GABRG3: variants seen among roughly 807,000 people sequenced by gnomAD.
GABRG3 encodes the protein gamma-aminobutyric acid receptor subunit gamma-3.
GABRG3 carries 25 observed loss-of-function variants against 48.8 expected under a neutral mutation model. The observed-to-expected ratio is 0.51, with a 90% CI of 0.37 to 0.72. GABRG3 has a LOEUF of 0.72. GABRG3 is among the 30% of genes least tolerant of loss of function. The pLI is 0.00. For synonymous variants in GABRG3, 227 were observed against 217.6 expected (o/e 1.04, Z -0.38); for missense variants, 394 against 577.9 (o/e 0.68, Z 3.26).
chr15:27,291,970 C>T (rs527568124), intron 3 of GABRG3, among the ~76,000 whole-genome samples: 18 of 152,158 alleles, frequency 1.2e-4, no homozygotes, highest in Admixed American at 2.6e-4. Flanking sequence ...AACAGGTTAC[C>T]TCCCCATAAT....
chr15:27,458,628 G>A (rs1889358257), intron 5 of GABRG3, among the ~76,000 whole-genome samples: 2 of 152,018 alleles, frequency 1.3e-5, no homozygotes, highest in Non-Finnish European at 2.9e-5. Context: ...TGGCAATAAC[G>A]TGTCCCTCTT....
chr15:27,221,115 C>G (rs1359948310), intron 3 of GABRG3, among the ~76,000 whole-genome samples: 1 of 152,084 alleles, frequency 6.6e-6, no homozygotes, highest in Non-Finnish European at 1.5e-5. Context: ...CATGCTCTAA[C>G]TAGATGGGGC....
At chr15:27,320,657 C>G (rs1893391379) in intron 3 of GABRG3, among the ~76,000 whole-genome samples, 1 of 151,986 alleles carries the variant, frequency 6.6e-6, no homozygotes, top group African/African-American at 2.4e-5. Context: ...AAATCATTGT[C>G]ATGGAAGGTC....
chr15:27,518,031 A>G (rs1204606143), intron 6 of GABRG3, among the ~76,000 whole-genome samples: 1 of 151,982 alleles, frequency 6.6e-6, no homozygotes, highest in African/African-American at 2.4e-5. Context: ...GACCAATACC[A>G]TCTCCCTGTC....
At chr15:27,166,798 C>T (rs1887389311) in intron 3 of GABRG3, among the ~76,000 whole-genome samples, 1 of 152,170 alleles carries the variant, frequency 6.6e-6, no homozygotes, top group Admixed American at 6.5e-5. Flanking sequence ...CATTATACTG[C>T]AGGGTGCATG....
At chr15:27,122,576 G>A (rs1039624299) in intron 3 of GABRG3, among the ~76,000 whole-genome samples, 1 of 152,178 alleles carries the variant, frequency 6.6e-6, no homozygotes, top group Admixed American at 6.5e-5. Context: ...AAAAGCAATT[G>A]AGAGAGAAAA....
At chr15:27,294,140 C>A (rs906016739) in intron 3 of GABRG3, among the ~76,000 whole-genome samples, 1 of 151,972 alleles carries the variant, frequency 6.6e-6, no homozygotes, top group African/African-American at 2.4e-5. Context: ...TATCACATGC[C>A]CAGATTGCAG....
Position 27,447,810 on chromosome 15 carries a change from A to G in GABRG3, c.575-32840A>G, listed in dbSNP as rs1047940326. Among the ~76,000 whole-genome samples the G allele has an allele frequency of 4.6e-5, 7 of 152,144 alleles. No homozygotes were observed. Among genetic ancestry groups the G allele is most frequent in the African/African-American group, 1.4e-4 (6 of 41,434 alleles). ...AGTGGGAGTTGAACAATGAGAACAC[A>G]TGGACACAGGGAGGGGAACATCACA... On this transcript the variant is annotated intron_variant, in intron 5 of 9. Coordinates refer to ENST00000615808, the MANE Select transcript of GABRG3 (RefSeq NM_033223.5). This position sits in a 1 kb window ranked among gnomAD's most constrained non-coding sequence, Gnocchi z 4.0.
chr15:27,497,587 A>G (rs1890517668), intron 6 of GABRG3, among the ~76,000 whole-genome samples: 1 of 152,208 alleles, frequency 6.6e-6, no homozygotes, highest in Non-Finnish European at 1.5e-5. Flanking sequence ...TTTTATTTTA[A>G]AAAAGCTTAA....
intron 3 of GABRG3, among the ~76,000 whole-genome samples, chr15:27,090,202 A>G (rs1157991178): frequency 6.6e-6 from 1 of 152,236 alleles, no homozygotes; most frequent in East Asian, 1.9e-4. Context: ...TCAACACTTT[A>G]TTATAAAGTA....
intron 3 of GABRG3, among the ~76,000 whole-genome samples, chr15:27,203,990 A>T (rs972632517): frequency 1.3e-5 from 2 of 151,978 alleles, no homozygotes; most frequent in African/African-American, 4.8e-5. Context: ...ATTTTCTCCC[A>T]TTATGTAGGT....
intron 3 of GABRG3, among the ~76,000 whole-genome samples, chr15:27,152,617 C>G (rs1238728537): frequency 6.6e-6 from 1 of 152,142 alleles, no homozygotes; most frequent in Non-Finnish European, 1.5e-5. Context: ...GTCATAAAAA[C>G]CATCTGTCTT....
intron 3 of GABRG3, among the ~76,000 whole-genome samples, chr15:27,254,316 G>A (rs534952417): frequency 4.6e-5 from 7 of 152,156 alleles, no homozygotes; most frequent in East Asian, 1.9e-4. Flanking sequence ...TCGAGAAGGC[G>A]CAGGGGAGAG....
chr15:27,134,380 C>T (rs1269569266), intron 3 of GABRG3, among the ~76,000 whole-genome samples: 1 of 152,188 alleles, frequency 6.6e-6, no homozygotes, highest in East Asian at 1.9e-4. Flanking sequence ...CCTCCCCCAT[C>T]TCCAATTTTC....
chr15:27,199,759 C>G (rs1218784872), intron 3 of GABRG3, among the ~76,000 whole-genome samples: 1 of 152,164 alleles, frequency 6.6e-6, no homozygotes, highest in East Asian at 1.9e-4. Context: ...TAAACCTTTT[C>G]TTCGTATTAA....
At chr15:27,124,862 C>A (rs576555508) in intron 3 of GABRG3, among the ~76,000 whole-genome samples, 2 of 152,208 alleles carry the variant, frequency 1.3e-5, no homozygotes, top group Non-Finnish European at 2.9e-5. Context: ...GCTTGCCCAA[C>A]CTTTTTCTTT....
intron 3 of GABRG3, among the ~76,000 whole-genome samples, chr15:27,047,259 A>G (rs1397121628): frequency 1.3e-5 from 2 of 152,214 alleles, no homozygotes; most frequent in Non-Finnish European, 2.9e-5. Flanking sequence ...GAGAATTAGC[A>G]GTCCAGGGTG....
intron 3 of GABRG3, among the ~76,000 whole-genome samples, chr15:27,068,816 T>G (rs1297398612): frequency 6.6e-6 from 1 of 152,160 alleles, no homozygotes; most frequent in Non-Finnish European, 1.5e-5. Flanking sequence ...GTGAAAAACA[T>G]TTACCTGGGA....
At chr15:27,159,875 T>C (rs1340982086) in intron 3 of GABRG3, among the ~76,000 whole-genome samples, 1 of 152,126 alleles carries the variant, frequency 6.6e-6, no homozygotes, top group Admixed American at 6.5e-5. Flanking sequence ...TAAAAGAAAA[T>C]AATGTCTGAC....
Sources: gnomAD v4.1 joint callset for allele counts (sites outside exome capture counted in the v4.1 genomes callset) on GRCh38, gnomAD v4.1.1 for gene constraint, Gnocchi (gnomAD v3.1) non-coding constraint, MANE v1.5 for transcripts, NCBI Gene and HGNC (gene_info 2026-07-23, HGNC 2026-07-21) for gene names.